GAB2: variants seen among roughly 807,000 people sequenced by gnomAD.
GAB2 encodes GRB2-associated-binding protein 2.
Under a neutral mutation model 65.5 loss-of-function variants are expected in GAB2, and 26 were observed. The observed-to-expected ratio is 0.40, with a 90% confidence interval of 0.29 to 0.55. The LOEUF (loss-of-function observed/expected upper bound fraction) is 0.55. GAB2 is among the 20% of genes least tolerant of loss of function. The pLI, the probability that GAB2 is intolerant of heterozygous loss-of-function variation, is 0.53. For synonymous variants in GAB2, 321 were observed against 329.6 expected (o/e 0.97, Z 0.28); for missense variants, 884 against 875.8 (o/e 1.01, Z -0.12).
chr11:78,329,633 A>T (rs937416927), intron 1 of GAB2, among the ~76,000 whole-genome samples: 1 of 152,214 alleles, frequency 6.6e-6, no homozygotes. Context: ...TAGGGCAACC[A>T]GACCATTTTA....
intron 1 of GAB2, among the ~76,000 whole-genome samples, chr11:78,338,084 A>T (rs1856032381): frequency 6.6e-6 from 1 of 152,120 alleles, no homozygotes; most frequent in Non-Finnish European, 1.5e-5. Context: ...TAAGTATGTT[A>T]CCTGACTCTT....
chr11:78,239,603 A>C (rs1449584369), intron 3 of GAB2, among the ~76,000 whole-genome samples: 1 of 152,208 alleles, frequency 6.6e-6, no homozygotes, highest in African/African-American at 2.4e-5. Flanking sequence ...GATGAACCAG[A>C]AACTTGGGAT....
intron 3 of GAB2, among the ~76,000 whole-genome samples, chr11:78,241,622 A>AT (rs1865137754): frequency 6.6e-6 from 1 of 151,398 alleles, no homozygotes; most frequent in Non-Finnish European, 1.5e-5. Context: ...AAAAAAAAAA[A>AT]CCCAGAAATC....
chr11:78,354,916 G>A (rs140532339), intron 1 of GAB2, among the ~76,000 whole-genome samples: 10 of 152,288 alleles, frequency 6.6e-5, no homozygotes, highest in African/African-American at 1.7e-4. Context: ...GAACACATGC[G>A]GTGCAAGTGA....
At chr11:78,314,846 G>A (rs1855569160) in intron 1 of GAB2, among the ~76,000 whole-genome samples, 1 of 152,220 alleles carries the variant, frequency 6.6e-6, no homozygotes. Context: ...CTGGGACGCA[G>A]AGGTGAAGAG....
At chr11:78,247,705 T>C (rs184562889) in intron 3 of GAB2, among the ~76,000 whole-genome samples, 143 of 152,326 alleles carry the variant, frequency 9.4e-4, no homozygotes, top group Admixed American at 8.9e-3. Context: ...AAAAGTTATT[T>C]TTTAATATTT....
intron 3 of GAB2, among the ~76,000 whole-genome samples, chr11:78,234,941 C>T (rs1418955620): frequency 1.3e-5 from 2 of 151,868 alleles, no homozygotes; most frequent in Middle Eastern, 3.4e-3. Flanking sequence ...ACCCAGGAGG[C>T]GAAGGTTGCA....
chr11:78,346,564 T>C (rs1376969321), intron 1 of GAB2, among the ~76,000 whole-genome samples: 2 of 145,808 alleles, frequency 1.4e-5, no homozygotes, highest in South Asian at 2.2e-4. Flanking sequence ...CCCACCTACA[T>C]CATGCTGCCT....
chr11:78,249,213 A>G (rs1865380528), intron 3 of GAB2, among the ~76,000 whole-genome samples: 1 of 152,206 alleles, frequency 6.6e-6, no homozygotes, highest in Non-Finnish European at 1.5e-5. Context: ...TTTAAAATGG[A>G]GATAAATTTT....
intron 2 of GAB2, among the ~76,000 whole-genome samples, chr11:78,268,105 T>C (rs140223589): frequency 8.7e-4 from 132 of 152,224 alleles, no homozygotes; most frequent in African/African-American, 2.9e-3. Context: ...GGCAGTTGAG[T>C]GCAGCTTGTA....
intron 1 of GAB2, among the ~76,000 whole-genome samples, chr11:78,349,464 C>G (rs1856241582): frequency 6.6e-6 from 1 of 152,186 alleles, no homozygotes; most frequent in Admixed American, 6.5e-5. Context: ...TTAAAGAACT[C>G]ATTGAAAGTC....
At chr11:78,254,688 A>G (rs1865547654) in intron 2 of GAB2, among the ~76,000 whole-genome samples, 1 of 152,132 alleles carries the variant, frequency 6.6e-6, no homozygotes, top group Admixed American at 6.6e-5. Flanking sequence ...AGGCCTAGCT[A>G]CTTAGGAGGC....
At chr11:78,342,698 G>A (rs183093396) in intron 1 of GAB2, among the ~76,000 whole-genome samples, 36 of 152,218 alleles carry the variant, frequency 2.4e-4, no homozygotes, top group African/African-American at 7.0e-4. Flanking sequence ...GTGAACCACC[G>A]CGCCTGGCCT....
rs927818469 is a variant in GAB2 at position 78,216,722 on chromosome 11, A to G, written c.*2550T>C. 6.6e-6 allele frequency: 1 copy of G among 152,284 alleles called. No individual in the cohort carries two copies. The highest frequency in any genetic ancestry group is 1.5e-5 in the Non-Finnish European group (1 of 68,086). The allele number at this position is 152,284 out of a possible 1,614,324, so 9.4% of individuals were successfully genotyped here. ...ACTCACATCATGGCACACTCAGAAC[A>G]TGCTCACATGTTTATGGGAGGCTGC... On this transcript the variant is annotated 3_prime_UTR_variant, in exon 10 of 10. Transcript: ENST00000361507.
At chr11:78,340,755 C>A (rs1201826888) in intron 1 of GAB2, among the ~76,000 whole-genome samples, 1 of 152,118 alleles carries the variant, frequency 6.6e-6, no homozygotes, top group Non-Finnish European at 1.5e-5. Context: ...CACATAAATT[C>A]TCATCTGTAC....
chr11:78,406,488 T>C (rs10899493), intron 1 of GAB2, among the ~76,000 whole-genome samples: 40,513 of 151,836 alleles, frequency 0.27, 6,212 homozygotes, highest in East Asian at 0.43. Flanking sequence ...AGCAATTCTC[T>C]CACCTCAGCC....
chr11:78,285,475 G>T (rs10793295), intron 1 of GAB2, among the ~76,000 whole-genome samples: 3 of 151,924 alleles, frequency 2.0e-5, no homozygotes, highest in African/African-American at 7.3e-5. Flanking sequence ...TCCACTTCCA[G>T]GTTTTATTTA....
chr11:78,296,233 TCCTCGGCCCAGG>T (rs1329928495), intron 1 of GAB2, among the ~76,000 whole-genome samples: 1 of 152,164 alleles, frequency 6.6e-6, no homozygotes, highest in Non-Finnish European at 1.5e-5. Context: ...CTGGTAAGGG[TCCTCGGCCCAGG>T]GGGCTGGGGA....
intron 1 of GAB2, among the ~76,000 whole-genome samples, chr11:78,415,670 T>C (rs1857185974): frequency 6.6e-6 from 1 of 152,172 alleles, no homozygotes; most frequent in African/African-American, 2.4e-5. Context: ...ACATGGAAGA[T>C]GGGAAAGAGA....
Sources: gnomAD v4.1 joint callset for allele counts (sites outside exome capture counted in the v4.1 genomes callset) on GRCh38, gnomAD v4.1.1 for gene constraint, MANE v1.5 for transcripts, NCBI Gene and HGNC (gene_info 2026-07-23, HGNC 2026-07-21) for gene names.